The following HERC4 variants were observed in gnomAD, a reference collection of about 807,000 sequenced individuals.
HERC4 encodes the protein HECT and RLD domain containing E3 ubiquitin protein ligase 4.
HERC4 carries 28 observed loss-of-function variants against 124.3 expected under a neutral mutation model. The observed-to-expected ratio is 0.23, with a 90% CI of 0.17 to 0.31. HERC4 has a LOEUF of 0.31. Ranked by LOEUF, HERC4 falls within the 10% of genes least tolerant of loss-of-function variation. HERC4 has a pLI of 1.00. For synonymous variants in HERC4, 407 were observed against 421.5 expected (o/e 0.97, Z 0.42); for missense variants, 713 against 1,229.3 (o/e 0.58, Z 6.28).
intron 19 of HERC4, among the ~76,000 whole-genome samples, chr10:67,953,884 C>T (rs2033973425): frequency 6.6e-6 from 1 of 152,136 alleles, no homozygotes; most frequent in Non-Finnish European, 1.5e-5. Flanking sequence ...AGAGTCTAGG[C>T]ACTAAGCTGC....
intron 3 of HERC4, among the ~76,000 whole-genome samples, chr10:68,066,180 A>G (rs1489354563): frequency 6.6e-6 from 1 of 152,224 alleles, no homozygotes; most frequent in Non-Finnish European, 1.5e-5. Flanking sequence ...TAGCCTAGGA[A>G]TACAGAAGTA....
chr10:67,939,735 T>A, intron 20 of HERC4, 81 bp from the exon 21 acceptor site: 1 of 582,864 alleles, frequency 1.7e-6, no homozygotes, highest in Non-Finnish European at 2.8e-6. Context: ...TATATATATA[T>A]ATATACTTCT....
rs928160127 is a variant in HERC4, at chr10:68,070,416, G to C, written c.226+2467C>G. 2.8e-5 allele frequency: 7 copies of C among 247,958 alleles called. No homozygotes were observed. In the Admixed American group the frequency reaches 4.5e-4, roughly 16 times the overall value. The allele number at this position is 247,958 out of a possible 1,614,324, so 15.4% of individuals were successfully genotyped here. A position where few individuals can be genotyped will look rare whatever the true frequency, so the allele number is the denominator to read the frequency against. ...GAGGTCAGGAGTTCGAGACCAGCCT[G>C]GCCAACATGGTAAAACCCCATCTCC... On this transcript the variant is annotated intron_variant, in intron 3 of 24. Transcript: ENST00000373700.
At chr10:67,948,408 A>C (rs1042199399) in intron 19 of HERC4, among the ~76,000 whole-genome samples, 21 of 151,746 alleles carry the variant, frequency 1.4e-4, no homozygotes, top group Non-Finnish European at 2.9e-4. Context: ...TGGCAAAAAG[A>C]AAAAAAAAGA....
At chr10:67,949,250 CT>C (rs1307390870) in intron 19 of HERC4, among the ~76,000 whole-genome samples, 1 of 151,982 alleles carries the variant, frequency 6.6e-6, no homozygotes, top group African/African-American at 2.4e-5. Flanking sequence ...TGCCACTGCA[CT>C]CCAGCTGGGG....
intron 21 of HERC4, among the ~76,000 whole-genome samples, chr10:67,938,243 C>A (rs1398311312): frequency 1.3e-5 from 2 of 151,288 alleles, no homozygotes; most frequent in East Asian, 2.0e-4. Flanking sequence ...GAGATTGGGA[C>A]CATCCTGGCC....
chr10:68,013,475 C>A (rs2038085932), intron 9 of HERC4, among the ~76,000 whole-genome samples: 1 of 152,158 alleles, frequency 6.6e-6, no homozygotes, highest in South Asian at 2.1e-4. Context: ...AAGTGAGTCA[C>A]AAAAAGAAAC....
chr10:67,960,749 C>T, intron 16 of HERC4: 1 of 214,790 alleles, frequency 4.7e-6, no homozygotes, highest in Non-Finnish European at 9.1e-6. Flanking sequence ...ATAACCTTAG[C>T]ACCTGTCACA....
At chr10:68,044,677 A>C (rs2039930823) in intron 3 of HERC4, 114 bp from the exon 4 acceptor site, 1 of 915,648 alleles carries the variant, frequency 1.1e-6, no homozygotes, top group Non-Finnish European at 1.7e-6. Context: ...CATTTTATAC[A>C]AACAAGCTAA....
In HERC4 at chr10:68,025,640, C is replaced by T; in HGVS notation, c.814G>A (p.Gly272Ser). 6.2e-7 allele frequency: 1 copy of T among 1,613,446 alleles called. No individual in the cohort carries two copies. ...GVFTFGAGGY[G>S]QLGHNSTSHE... The stretch of plus-strand genomic sequence containing the variant: ...CTGGTAGAATTATGGCCCAACTGAC[C>T]ATACCCTCCAGCTCCAAAAGTAAAC... The change falls in exon 8 of 25, where the codon GGT becomes AGT. Residue 272 changes from glycine to serine, a missense_variant. Transcript: ENST00000373700.
intron 15 of HERC4, among the ~76,000 whole-genome samples, chr10:67,972,094 A>C (rs1589219303): frequency 6.6e-6 from 1 of 151,820 alleles, no homozygotes. Flanking sequence ...GACACCTGTA[A>C]TCCCAGCTAC....
intron 22 of HERC4, among the ~76,000 whole-genome samples, chr10:67,934,092 G>C (rs2032105429): frequency 6.6e-6 from 1 of 152,076 alleles, no homozygotes; most frequent in Admixed American, 6.6e-5. Flanking sequence ...TTATATTCAA[G>C]CTTCTAACAA....
At position 68,073,160 on chromosome 10, in the gene HERC4, C is replaced by T; in HGVS notation, c.-52G>A. Reference sequence around the variant, plus strand: ...TTCAATAAAAAATTCTCTTCTGAAACCCCGGAAAGTTGGAGGTACCCTATG... The same window carrying T: ...TTCAATAAAAAATTCTCTTCTGAAATCCCGGAAAGTTGGAGGTACCCTATG... On this transcript the variant is annotated 5_prime_UTR_variant, in exon 3 of 25. Transcript: ENST00000373700. 3 of 1,496,174 alleles carry T rather than the reference C, an allele frequency of 2.0e-6. No individual in the cohort carries two copies. The highest frequency in any genetic ancestry group is 2.8e-6 in the Non-Finnish European group (3 of 1,090,338). The allele number at this position is 1,496,174 out of a possible 1,614,324, so 92.7% of individuals were successfully genotyped here. A position where few individuals can be genotyped will look rare whatever the true frequency, so the allele number is the denominator to read the frequency against.
intron 7 of HERC4, among the ~76,000 whole-genome samples, chr10:68,029,047 G>A (rs1481032963): frequency 2.0e-5 from 3 of 151,860 alleles, no homozygotes; most frequent in Non-Finnish European, 4.4e-5. Flanking sequence ...GCACAGTGGC[G>A]CCCGTAGCTC....
chr10:68,018,986 ATTCT>A (rs1390970299), intron 8 of HERC4, among the ~76,000 whole-genome samples: 2 of 133,354 alleles, frequency 1.5e-5, no homozygotes, highest in African/African-American at 5.7e-5. Flanking sequence ...CAGCCAAAGC[ATTCT>A]TTCTTTTTTT....
chr10:67,982,553 A>G (rs917886255), intron 15 of HERC4, among the ~76,000 whole-genome samples: 5 of 152,342 alleles, frequency 3.3e-5, no homozygotes, highest in African/African-American at 1.2e-4. Context: ...ACTCTCCAGG[A>G]CATTGGTCTG....
chr10:67,946,394 CACAA>C (rs1475301940), intron 19 of HERC4, among the ~76,000 whole-genome samples: 13 of 143,846 alleles, frequency 9.0e-5, no homozygotes, highest in Non-Finnish European at 1.2e-4. Context: ...CACACACACA[CACAA>C]GACCCAATGA....
intron 23 of HERC4, 66 bp downstream of exon 23, chr10:67,932,530 TA>T: frequency 7.1e-7 from 1 of 1,418,296 alleles, no homozygotes; most frequent in Non-Finnish European, 9.7e-7. Flanking sequence ...AAATAATACA[TA>T]AAAAGGCAAG....
intron 3 of HERC4, among the ~76,000 whole-genome samples, chr10:68,065,425 G>A (rs572179469): frequency 6.2e-4 from 95 of 152,186 alleles, no homozygotes; most frequent in African/African-American, 2.3e-3. Context: ...CCATTCTAAA[G>A]GATTCCAGAA....
Sources: gnomAD v4.1 joint callset for allele counts (sites outside exome capture counted in the v4.1 genomes callset) on GRCh38, gnomAD v4.1.1 for gene constraint, MANE v1.5 for transcripts, NCBI Gene and HGNC (gene_info 2026-07-23, HGNC 2026-07-21) for gene names.